The following RRM2B variants were observed in gnomAD, a reference collection of about 807,000 sequenced individuals.
RRM2B encodes the protein ribonucleoside-diphosphate reductase subunit M2 B.
In RRM2B, 20 loss-of-function variants were observed where a neutral mutation model predicts 45.9. The ratio of observed to expected loss-of-function variants is 0.44; its 90% confidence interval spans 0.31 to 0.63. The LOEUF (loss-of-function observed/expected upper bound fraction) is 0.63, where lower values mean the gene tolerates loss of function less well. RRM2B is among the 30% of genes least tolerant of loss of function. RRM2B has a pLI of 0.09. For missense variants in RRM2B, 320 were observed against 414.7 expected (o/e 0.77, Z 1.98); for synonymous variants, 124 against 132.3 (o/e 0.94, Z 0.43).
intron 1 of RRM2B, among the ~76,000 whole-genome samples, chr8:102,235,253 T>C (rs911171990): frequency 1.3e-5 from 2 of 152,224 alleles, no homozygotes; most frequent in African/African-American, 4.8e-5. Context: ...TTAAGTGATA[T>C]TCAGAAGTAG....
At chr8:102,224,611 A>C (rs1440774207) in intron 4 of RRM2B, among the ~76,000 whole-genome samples, 1 of 152,248 alleles carries the variant, frequency 6.6e-6, no homozygotes, top group Non-Finnish European at 1.5e-5. Flanking sequence ...ATTGGTTTGA[A>C]TCTGGTCTCA....
intron 8 of RRM2B, among the ~76,000 whole-genome samples, chr8:102,211,063 G>A (rs1027425091): frequency 5.3e-5 from 8 of 152,154 alleles, no homozygotes; most frequent in Non-Finnish European, 1.2e-4. Context: ...TCAGGCTGGA[G>A]TGCCGTGGCA....
At chr8:102,223,975 A>T in intron 5 of RRM2B, 71 bp downstream of exon 5, 1 of 1,037,780 alleles carries the variant, frequency 9.6e-7, no homozygotes, top group Non-Finnish European at 1.5e-6. Flanking sequence ...CGTACTGGAT[A>T]GTCACACCAC....
chr8:102,225,055 TA>T, intron 3 of RRM2B, 37 bp from the exon 4 acceptor site: 2 of 1,610,380 alleles, frequency 1.2e-6, no homozygotes, highest in Non-Finnish European at 1.7e-6. Context: ...TCCAGTTCTA[TA>T]GGCTCTCATT....
chr8:102,213,332 G>C (rs892304229), intron 7 of RRM2B, among the ~76,000 whole-genome samples: 1 of 152,084 alleles, frequency 6.6e-6, no homozygotes, highest in Non-Finnish European at 1.5e-5. Flanking sequence ...AGATTTGGGG[G>C]TTGGGAGATA....
At chr8:102,229,016 G>A (rs1810982438) in intron 2 of RRM2B, among the ~76,000 whole-genome samples, 1 of 152,228 alleles carries the variant, frequency 6.6e-6, no homozygotes. Flanking sequence ...AGCACTTTGG[G>A]AGGCCAAGGT....
chr8:102,210,574 C>T (rs912284454), intron 8 of RRM2B, among the ~76,000 whole-genome samples: 6 of 151,840 alleles, frequency 4.0e-5, no homozygotes, highest in African/African-American at 1.2e-4. Flanking sequence ...GCGATTCTCT[C>T]GCCTCAGCCT....
rs1006111220 is a variant in RRM2B, at chr8:102,208,046, G to A, written c.*87C>T. On this transcript the variant is annotated 3_prime_UTR_variant, in exon 9 of 9. Coordinates refer to ENST00000251810, the MANE Select transcript of RRM2B (RefSeq NM_015713.5). ...TGAGCAAACCCCCAGTCCTTTAAAGGATATACTTAAAATTTTTTTTAAGCA... is the reference window on the plus strand; with the variant it reads ...TGAGCAAACCCCCAGTCCTTTAAAGAATATACTTAAAATTTTTTTTAAGCA... 5.5e-6 allele frequency: 6 copies of A among 1,091,460 alleles called. No homozygotes were observed. The African/African-American group carries it at 9.5e-5, about 17-fold the overall frequency. 67.6% of individuals were successfully genotyped at this position (1,091,460 alleles called of 1,614,324 possible). A position where few individuals can be genotyped will look rare whatever the true frequency, so the allele number is the denominator to read the frequency against.
rs1281755835 is a variant in RRM2B at position 102,206,158 on chromosome 8, G to C, written c.*1975C>G. The C allele has an allele frequency of 1.3e-5, 2 of 151,710 alleles. No individual in the cohort carries two copies. The highest frequency in any genetic ancestry group is 2.9e-5 in the Non-Finnish European group (2 of 67,962). The allele number at this position is 151,710 out of a possible 1,614,324, so 9.4% of individuals were successfully genotyped here. A position where few individuals can be genotyped will look rare whatever the true frequency, so the allele number is the denominator to read the frequency against. On this transcript the variant is annotated 3_prime_UTR_variant, in exon 9 of 9. Transcript: ENST00000251810. ...TGATACTTTAATATATATATTTAAA[G>C]TATATTCAATTAATGAGGAAATAGA... is the stretch of plus-strand genomic sequence containing the variant.
Position 102,208,293 on chromosome 8 carries a change from G to T in RRM2B, c.904-8C>A. Reference sequence around the variant, plus strand: ...ATTTTCTGCCTGAAAAACCTAAAAAGGAAAGAAATATTATTAGACATTCTG... The same window carrying T: ...ATTTTCTGCCTGAAAAACCTAAAAATGAAAGAAATATTATTAGACATTCTG... On this transcript the variant is annotated splice_polypyrimidine_tract_variant and splice_region_variant and intron_variant, in intron 8 of 8. Coordinates refer to ENST00000251810, the MANE Select transcript of RRM2B (RefSeq NM_015713.5). 1 of 1,522,338 alleles carries T rather than the reference G, an allele frequency of 6.6e-7. No individual in the cohort carries two copies. The highest frequency in any genetic ancestry group is 1.1e-5 in the South Asian group (1 of 88,836). The allele number at this position is 1,522,338 out of a possible 1,614,324, so 94.3% of individuals were successfully genotyped here. A position where few individuals can be genotyped will look rare whatever the true frequency, so the allele number is the denominator to read the frequency against.
rs1810601383 is a variant in RRM2B, at chr8:102,209,597, G to C, written c.904-1312C>G. 1.3e-5 allele frequency among the ~76,000 whole-genome samples: 2 copies of C among 152,166 alleles called. 1 individual carries two copies. The highest frequency in any genetic ancestry group is 4.1e-4 in the South Asian group (2 of 4,832). ...GTAGTTCTTCTAATGATTAAACATGGAGTTACCATATGATCCAGCAATTTC... is the reference window on the plus strand; with the variant it reads ...GTAGTTCTTCTAATGATTAAACATGCAGTTACCATATGATCCAGCAATTTC... On this transcript the variant is annotated intron_variant, in intron 8 of 8. Coordinates refer to ENST00000251810, the MANE Select transcript of RRM2B (RefSeq NM_015713.5).
At chr8:102,213,756 T>C (rs773729654) in intron 7 of RRM2B, among the ~76,000 whole-genome samples, 1 of 151,966 alleles carries the variant, frequency 6.6e-6, no homozygotes, top group Non-Finnish European at 1.5e-5. Flanking sequence ...AAAAAAAAGC[T>C]ACTATAATTA....
At position 102,206,388 on chromosome 8, in the gene RRM2B, T is replaced by C. The variant is rs1171372423; in HGVS notation, c.*1745A>G. 2 of 152,154 alleles carry C rather than the reference T, an allele frequency of 1.3e-5. No individual in the cohort carries two copies. Among genetic ancestry groups the C allele is most frequent in the Non-Finnish European group, 2.9e-5 (2 of 67,996 alleles). 9.4% of individuals were successfully genotyped at this position (152,154 alleles called of 1,614,324 possible). A position where few individuals can be genotyped will look rare whatever the true frequency, so the allele number is the denominator to read the frequency against. On this transcript the variant is annotated 3_prime_UTR_variant, in exon 9 of 9. Transcript: ENST00000251810. ...ATCAAATGAGATGATGTAAAAACAC[T>C]TGGCAAACTGAAGCAATGCAAAAAT...
rs1187101595 is a variant in RRM2B, at chr8:102,207,400, A to T, written c.*733T>A. 1.3e-5 allele frequency: 2 copies of T among 152,214 alleles called. No individual in the cohort carries two copies. Among genetic ancestry groups the T allele is most frequent in the Non-Finnish European group, 2.9e-5 (2 of 68,028 alleles). The allele number at this position is 152,214 out of a possible 1,614,324, so 9.4% of individuals were successfully genotyped here. A position where few individuals can be genotyped will look rare whatever the true frequency, so the allele number is the denominator to read the frequency against. On this transcript the variant is annotated 3_prime_UTR_variant, in exon 9 of 9. Transcript: ENST00000251810. ...TTTCTGAAGAAGAATCATTTTTCTTATAAGGTCAACTACCATGATAACCTC... is the reference window on the plus strand; with the variant it reads ...TTTCTGAAGAAGAATCATTTTTCTTTTAAGGTCAACTACCATGATAACCTC...
chr8:102,221,735 C>T (rs554493627), intron 5 of RRM2B, among the ~76,000 whole-genome samples: 2 of 152,248 alleles, frequency 1.3e-5, no homozygotes, highest in East Asian at 3.9e-4. Flanking sequence ...GACTGCCAGC[C>T]TTCTCTGTGT....
At chr8:102,223,844 CTTA>C in intron 5 of RRM2B, among the ~76,000 whole-genome samples, 199 bp downstream of exon 5, 1 of 152,076 alleles carries the variant, frequency 6.6e-6, no homozygotes, top group East Asian at 1.9e-4. Flanking sequence ...CAACTTCCAA[CTTA>C]TTAAGTAGAA....
intron 1 of RRM2B, among the ~76,000 whole-genome samples, chr8:102,234,557 A>G (rs1169396476): frequency 6.6e-6 from 1 of 152,176 alleles, no homozygotes; most frequent in Non-Finnish European, 1.5e-5. Flanking sequence ...AAAATGTGAA[A>G]AAAGATATGA....
chr8:102,213,112 G>T (rs1810663667), intron 7 of RRM2B, among the ~76,000 whole-genome samples: 1 of 152,080 alleles, frequency 6.6e-6, no homozygotes, highest in South Asian at 2.1e-4. Context: ...AAAATAAATG[G>T]AAACGAACTA....
chr8:102,225,991 G>A lies in RRM2B; in HGVS notation c.248C>T (p.Ala83Val). The change falls in exon 3 of 9, where the codon GCA becomes GTA. Residue 83 changes from alanine to valine, a missense_variant. This residue lies in a region of RRM2B where 225 missense variants were observed against 289.4 expected (regional missense o/e 0.78). Transcript: ENST00000251810. ...KDLPHWNKLK[A>V]DEKYFISHIL... is the part of the protein sequence containing the mutation. ...GTGAGAGATGAAGTACTTCTCATCT[G>A]CTTTAAGCTTGTTCCAGTGAGGGAG... The A allele has an allele frequency of 6.2e-7, 1 of 1,612,546 alleles. No individual in the cohort carries two copies.
Sources: gnomAD v4.1 joint callset for allele counts (sites outside exome capture counted in the v4.1 genomes callset) on GRCh38, gnomAD v4.1.1 for gene constraint, gnomAD v4.1.1 regional missense constraint, MANE v1.5 for transcripts, NCBI Gene and HGNC (gene_info 2026-07-23, HGNC 2026-07-21) for gene names.